Variants in MACF1 observed in about 807,000 individuals in gnomAD.
The protein encoded by MACF1 is microtubule actin crosslinking factor 1.
In MACF1, 193 loss-of-function variants were observed where a neutral mutation model predicts 854.8. That is an observed-to-expected ratio of 0.23 (90% confidence interval 0.20 to 0.25). The LOEUF (loss-of-function observed/expected upper bound fraction) is 0.25, where lower values mean the gene tolerates loss of function less well. MACF1 is among the 10% of genes least tolerant of loss of function. MACF1 has a pLI of 1.00. For synonymous variants in MACF1, 3,185 were observed against 3,226.7 expected, an observed-to-expected ratio of 0.99 and a Z score of 0.44; for missense variants, 7,722 against 8,929.1, an observed-to-expected ratio of 0.86 and a Z score of 5.45.
Position 39,368,258 on chromosome 1 carries a change from C to T in MACF1, c.12882C>T (p.Asp4294=). The T allele has an allele frequency of 1.2e-6, 2 of 1,614,060 alleles. No homozygotes were observed. Among genetic ancestry groups the T allele is most frequent in the Non-Finnish European group, 1.7e-6 (2 of 1,179,998 alleles). ...CGCTGGACTTGTGCCAGCATCAGGA[C>T]AGGGTACAGAATCTAAGAAAAGACT... ...GFALDLCQHQ[D]RVQNLRKDFT... is the part of the protein sequence containing the mutation. Residue 4294 remains aspartate (D), a synonymous_variant, in exon 50 of 101, where the codon GAC becomes GAT. Transcript: ENST00000564288.
intron 6 of MACF1, among the ~76,000 whole-genome samples, chr1:39,263,529 T>A (rs1053435877): frequency 6.6e-6 from 1 of 152,056 alleles, no homozygotes; most frequent in South Asian, 2.1e-4. Context: ...TGCTTCAGGG[T>A]TTTTTCTCTC....
chr1:39,107,307 A>G (rs943171902), intron 2 of MACF1, among the ~76,000 whole-genome samples: 4 of 151,490 alleles, frequency 2.6e-5, no homozygotes, highest in African/African-American at 9.7e-5. Context: ...GGCTTGTTCC[A>G]GGAGAGACCT....
intron 97 of MACF1, among the ~76,000 whole-genome samples, chr1:39,476,402 C>T (rs1644883182): frequency 1.3e-5 from 2 of 152,052 alleles, no homozygotes; most frequent in Admixed American, 6.5e-5. Flanking sequence ...AACCCCATCT[C>T]TACTAAAAAT....
chr1:39,254,490 C>A, intron 5 of MACF1, 115 bp downstream of exon 5: 2 of 891,696 alleles, frequency 2.2e-6, no homozygotes, highest in South Asian at 1.4e-5. Context: ...ATCTGATTGA[C>A]CCAGTTCTGA....
At chr1:39,128,138 TTG>T (rs1642908379) in intron 2 of MACF1, among the ~76,000 whole-genome samples, 1 of 152,248 alleles carries the variant, frequency 6.6e-6, no homozygotes. Flanking sequence ...TTTAGGTTGG[TTG>T]TGTCTCTTCT....
Position 39,380,361 on chromosome 1 carries a change from C to G in MACF1, c.13636C>G (p.Gln4546Glu). 6.2e-7 allele frequency: 1 copy of G among 1,613,090 alleles called. No homozygotes were observed. The highest frequency in any genetic ancestry group is 8.5e-7 in the Non-Finnish European group (1 of 1,179,562). ...SQEAENWKKI[Q>E]EELNSRWERA... ...GGAAGCAGAAAATTGGAAGAAAATTCAGGAAGAACTCAGTAAGTTTTCACA... is the reference window on the plus strand; with the variant it reads ...GGAAGCAGAAAATTGGAAGAAAATTGAGGAAGAACTCAGTAAGTTTTCACA... The change falls in exon 55 of 101, where the codon CAG becomes GAG. Residue 4546 changes from glutamine (Q) to glutamate (E), a missense_variant. Transcript: ENST00000564288.
Position 39,447,539 on chromosome 1 carries a change from A to G in MACF1, c.19713A>G (p.Pro6571=). 1.9e-6 allele frequency: 3 copies of G among 1,614,170 alleles called. No individual in the cohort carries two copies. The highest frequency in any genetic ancestry group is 2.5e-6 in the Non-Finnish European group (3 of 1,180,018). The change falls in exon 81 of 101, where the codon CCA becomes CCG. Residue 6571 remains proline, a synonymous_variant. Transcript: ENST00000564288. ...AGCAGAGTTTAAACATCGCTTCTCCACCAAGCCTGATTCTAAATACTGTCC... is the reference window on the plus strand; with the variant it reads ...AGCAGAGTTTAAACATCGCTTCTCCGCCAAGCCTGATTCTAAATACTGTCC... The part of the protein sequence containing the change: ...LAEQSLNIAS[P]PSLILNTVLS...
At chr1:39,102,026 A>G (rs867470647) in intron 2 of MACF1, among the ~76,000 whole-genome samples, 1 of 150,672 alleles carries the variant, frequency 6.6e-6, no homozygotes, top group South Asian at 2.1e-4. Context: ...AATACAAAAA[A>G]TTAGCCGGGC....
chr1:39,331,514 A>G lies in MACF1; in HGVS notation c.4926A>G (p.Ile1642Met). 1 of 1,614,142 alleles carries G rather than the reference A, an allele frequency of 6.2e-7. No homozygotes were observed. Residue 1642 changes from isoleucine to methionine, a missense_variant, in exon 37 of 101, where the codon ATA (isoleucine) becomes ATG (methionine). Ile to Met is a conservative substitution (Grantham distance 10, BLOSUM62 1). Around this residue, in one of 15 missense-constraint regions of MACF1, gnomAD observed 1,531 missense variants for 1,601.6 expected, o/e 0.96. Coordinates refer to ENST00000564288, the MANE Select transcript of MACF1 (RefSeq NM_001394062.1). ...LSVVEAIEKR[I>M]ISETVGLKIL... is the part of the protein sequence containing the mutation. ...TGGTGGAAGCAATTGAAAAGAGAAT[A>G]ATCAGTGAGACAGTTGGACTGAAAA... is the stretch of plus-strand genomic sequence containing the variant.
At chr1:39,465,222 G>A (rs927935389) in intron 95 of MACF1, 110 bp downstream of exon 95, 28 of 1,094,108 alleles carry the variant, frequency 2.6e-5, no homozygotes, top group African/African-American at 3.1e-5. Flanking sequence ...TGCCTGGGTC[G>A]CACCTGGTTG....
chr1:39,113,372 T>TA (rs1642460609), intron 2 of MACF1, among the ~76,000 whole-genome samples: 1 of 152,140 alleles, frequency 6.6e-6, no homozygotes, highest in African/African-American at 2.4e-5. Flanking sequence ...TTGAAAACTA[T>TA]AAACTCCAAA....
intron 49 of MACF1, among the ~76,000 whole-genome samples, chr1:39,362,468 C>A (rs940680996): frequency 2.6e-5 from 4 of 152,152 alleles, no homozygotes; most frequent in Admixed American, 6.6e-5. Flanking sequence ...TCACCAGTTG[C>A]TAATTGTTTT....
In MACF1 at chr1:39,485,742, T is replaced by C; in HGVS notation, c.22616T>C (p.Met7539Thr). The C allele has an allele frequency of 6.2e-7, 1 of 1,613,066 alleles. No homozygotes were observed. The highest frequency in any genetic ancestry group is 8.5e-7 in the Non-Finnish European group (1 of 1,179,182). Reference protein sequence around the residue: ...GLNKPSKIPTMSKKTTTASPR... With the variant: ...GLNKPSKIPTTSKKTTTASPR... ...AACAAACCTTCCAAAATCCCAACCA[T>C]GTCTAAGAAGACCACCACTGCCTCC... is the stretch of plus-strand genomic sequence containing the variant. Residue 7539 changes from methionine (M) to threonine (T), a missense_variant, in exon 101 of 101, where the codon ATG (methionine) becomes ACG (threonine). By Grantham distance (81) the Met-to-Thr change is moderately conservative (BLOSUM62 -1). Coordinates refer to ENST00000564288, the MANE Select transcript of MACF1 (RefSeq NM_001394062.1).
chr1:39,206,780 C>T (rs1385952899), intron 1 of MACF1: 2 of 152,036 alleles, frequency 1.3e-5, no homozygotes, highest in African/African-American at 4.8e-5. Context: ...AGATTCTGTA[C>T]CCATTTTATT....
At chr1:39,474,587 G>A (rs1489353065) in intron 97 of MACF1, among the ~76,000 whole-genome samples, 6 of 152,064 alleles carry the variant, frequency 3.9e-5, no homozygotes, top group African/African-American at 9.7e-5. Flanking sequence ...CCAGCTACTC[G>A]AGAGACTGAG....
At chr1:39,304,683 C>G (rs750444569) in intron 23 of MACF1, 7 of 429,832 alleles carry the variant, frequency 1.6e-5, no homozygotes, top group South Asian at 1.3e-4. Context: ...CCTGCCTCAG[C>G]CTCCTGAGTA....
intron 49 of MACF1, among the ~76,000 whole-genome samples, chr1:39,363,586 C>CTCTT (rs145803766): frequency 0.1 from 14,364 of 143,116 alleles, 1,568 homozygotes; most frequent in African/African-American, 0.26. Flanking sequence ...ATCAACAAGA[C>CTCTT]TCTTTCTTTC....
At chr1:39,217,683 A>G (rs1463444206) in intron 1 of MACF1, among the ~76,000 whole-genome samples, 2 of 150,156 alleles carry the variant, frequency 1.3e-5, no homozygotes, top group African/African-American at 2.5e-5. Flanking sequence ...GTTCAAGACC[A>G]GCCTGAGCAA....
chr1:39,387,763 A>C lies in MACF1; in HGVS notation c.14921A>C (p.Glu4974Ala), dbSNP rs377013987. 1 of 1,614,062 alleles carries C rather than the reference A, an allele frequency of 6.2e-7. No individual in the cohort carries two copies. Among genetic ancestry groups the C allele is most frequent in the African/African-American group, 1.3e-5 (1 of 74,918 alleles). Reference protein sequence around the residue: ...SAADILINSSEADEDGIRDEK... With the variant: ...SAADILINSSAADEDGIRDEK... ...GCTGACATTCTGATCAATTCTTCAG[A>C]AGCAGATGAGGATGGAATCCGGGAT... The change falls in exon 58 of 101, where the codon GAA (glutamate) becomes GCA (alanine). Residue 4974 changes from glutamate to alanine, a missense_variant. Glu to Ala is a moderately radical substitution (Grantham distance 107). Around this residue, in one of 15 missense-constraint regions of MACF1, gnomAD observed 2,807 missense variants for 3,235.8 expected, o/e 0.87. Transcript: ENST00000564288.
Sources: allele counts gnomAD v4.1 joint callset (sites outside exome capture counted in the v4.1 genomes callset), GRCh38; gene constraint gnomAD v4.1.1; regional missense constraint gnomAD v4.1.1; transcripts MANE v1.5; gene names NCBI Gene and HGNC (gene_info 2026-07-23, HGNC 2026-07-21).